The following BRINP3 variants were observed in gnomAD, a reference collection of about 807,000 sequenced individuals.
The protein encoded by BRINP3 is BMP/retinoic acid inducible neural specific 3.
In BRINP3, 19 loss-of-function variants were observed where a neutral mutation model predicts 71.0. That is an observed-to-expected ratio of 0.27 (90% CI 0.19 to 0.39). The LOEUF (loss-of-function observed/expected upper bound fraction) is 0.39. BRINP3 is among the 10% of genes least tolerant of loss of function. BRINP3 has a pLI of 1.00. For synonymous variants in BRINP3, 380 were observed against 337.7 expected, an observed-to-expected ratio of 1.13 and a Z score of -1.37; for missense variants, 959 against 940.8, an observed-to-expected ratio of 1.02 and a Z score of -0.25.
In BRINP3 at chr1:190,119,896, G is replaced by T. The variant is rs149654584; in HGVS notation, c.1185-20762C>A. On this transcript the variant is annotated intron_variant, in intron 7 of 7. Coordinates refer to ENST00000367462, the MANE Select transcript of BRINP3 (RefSeq NM_199051.3). ...GGACTGCAGGCTACTCCTCACAGGG[G>T]TGTGGCCAGAGCCATACTCAGCATC... Among the ~76,000 whole-genome samples, 763 of 152,312 alleles carry T rather than the reference G, an allele frequency of 5.0e-3. 5 individuals carry two copies. Among genetic ancestry groups the T allele is most frequent in the African/African-American group, 0.017 (695 of 41,558 alleles).
At chr1:190,355,595 T>G (rs762301241) in intron 2 of BRINP3, among the ~76,000 whole-genome samples, 1 of 151,910 alleles carries the variant, frequency 6.6e-6, no homozygotes, top group Non-Finnish European at 1.5e-5. Context: ...TTCTATTAAG[T>G]TATGAAAATT....
intron 2 of BRINP3, chr1:190,342,896 T>C (rs1667759662): frequency 1.3e-5 from 2 of 151,812 alleles, no homozygotes; most frequent in South Asian, 2.1e-4. Context: ...CTAGAATAAA[T>C]ACAGAATTTT....
chr1:190,397,052 T>C (rs1671625591), intron 2 of BRINP3, among the ~76,000 whole-genome samples: 1 of 151,856 alleles, frequency 6.6e-6, no homozygotes, highest in Admixed American at 6.6e-5. Context: ...GGATGTTGTG[T>C]TTGCCACTGT....
chr1:190,289,841 T>C (rs886904328), intron 2 of BRINP3, among the ~76,000 whole-genome samples: 5 of 152,052 alleles, frequency 3.3e-5, no homozygotes, highest in Non-Finnish European at 5.9e-5. Context: ...TCTTGTTATA[T>C]GCACTCGTGG....
At chr1:190,182,674 T>A (rs990598980) in intron 6 of BRINP3, among the ~76,000 whole-genome samples, 8 of 152,112 alleles carry the variant, frequency 5.3e-5, no homozygotes, top group Non-Finnish European at 8.8e-5. Context: ...TTGGAAGATT[T>A]GAGTTATTCA....
chr1:190,448,656 C>T (rs1239804694), intron 2 of BRINP3, among the ~76,000 whole-genome samples: 2 of 151,436 alleles, frequency 1.3e-5, no homozygotes, highest in Admixed American at 1.3e-4. Flanking sequence ...TATGTTGGGT[C>T]TAATTTTGTC....
chr1:190,332,271 T>C (rs1667013657), intron 2 of BRINP3, among the ~76,000 whole-genome samples: 1 of 152,072 alleles, frequency 6.6e-6, no homozygotes, highest in Non-Finnish European at 1.5e-5. Flanking sequence ...GGAATATGTA[T>C]GGTAAATGGG....
intron 3 of BRINP3, among the ~76,000 whole-genome samples, chr1:190,276,624 G>C (rs1662576451): frequency 6.7e-6 from 1 of 149,862 alleles, no homozygotes; most frequent in Admixed American, 6.7e-5. Context: ...TGGAGGCATA[G>C]TTTTACATAC....
At chr1:190,301,234 T>TAC (rs1553283783) in intron 2 of BRINP3, among the ~76,000 whole-genome samples, 27 of 123,384 alleles carry the variant, frequency 2.2e-4, no homozygotes, top group African/African-American at 5.6e-4. Flanking sequence ...TATATATATA[T>TAC]ACACACATAC....
chr1:190,109,725 C>T (rs1652503420), intron 7 of BRINP3, among the ~76,000 whole-genome samples: 1 of 152,242 alleles, frequency 6.6e-6, no homozygotes, highest in Non-Finnish European at 1.5e-5. Context: ...TTCATACTCT[C>T]TTCTGGAGTT....
At chr1:190,303,668 G>T (rs1168446693) in intron 2 of BRINP3, among the ~76,000 whole-genome samples, 1 of 151,566 alleles carries the variant, frequency 6.6e-6, no homozygotes, top group Non-Finnish European at 1.5e-5. Context: ...AAAGAACTAG[G>T]TCAGTTAAAA....
chr1:190,378,076 G>A (rs1227450045), intron 2 of BRINP3, among the ~76,000 whole-genome samples: 2 of 152,028 alleles, frequency 1.3e-5, no homozygotes, highest in African/African-American at 2.4e-5. Flanking sequence ...AATCTTAAAA[G>A]AAGGAAACAA....
intron 2 of BRINP3, among the ~76,000 whole-genome samples, chr1:190,428,855 T>G (rs1011611810): frequency 1.3e-5 from 2 of 152,070 alleles, no homozygotes; most frequent in African/African-American, 4.8e-5. Flanking sequence ...GCAATAATAT[T>G]TTCCAAGTAA....
At chr1:190,249,552 T>C (rs1263967442) in intron 4 of BRINP3, among the ~76,000 whole-genome samples, 1 of 151,884 alleles carries the variant, frequency 6.6e-6, no homozygotes. Context: ...GTAAAATGTG[T>C]TAACTTAAGC....
chr1:190,207,023 T>TA (rs569081943), intron 6 of BRINP3, among the ~76,000 whole-genome samples: 34 of 144,948 alleles, frequency 2.3e-4, no homozygotes, highest in South Asian at 2.0e-3. Flanking sequence ...AAGTGGAAAA[T>TA]AAAAAAAAAT....
intron 7 of BRINP3, among the ~76,000 whole-genome samples, chr1:190,120,482 T>A (rs949354272): frequency 3.9e-5 from 6 of 151,942 alleles, no homozygotes; most frequent in South Asian, 2.1e-4. Flanking sequence ...CTTTTTAATT[T>A]ATTTATTTAA....
At chr1:190,431,948 C>T (rs184244382) in intron 2 of BRINP3, among the ~76,000 whole-genome samples, 4 of 152,162 alleles carry the variant, frequency 2.6e-5, no homozygotes, top group East Asian at 3.9e-4. Context: ...TCTAAACTTA[C>T]GACCTCTAAT....
intron 2 of BRINP3, among the ~76,000 whole-genome samples, chr1:190,330,444 C>G (rs1373472290): frequency 6.6e-6 from 1 of 151,986 alleles, no homozygotes; most frequent in Non-Finnish European, 1.5e-5. Context: ...CCACTTCATA[C>G]CAGACATAAT....
chr1:190,328,842 A>G (rs1459829866), intron 2 of BRINP3, among the ~76,000 whole-genome samples: 1 of 152,082 alleles, frequency 6.6e-6, no homozygotes, highest in African/African-American at 2.4e-5. Flanking sequence ...AGCAGGCTTT[A>G]TTTTGAGATG....
Sources: gnomAD v4.1 joint callset for allele counts (sites outside exome capture counted in the v4.1 genomes callset) on GRCh38, gnomAD v4.1.1 for gene constraint, MANE v1.5 for transcripts, NCBI Gene and HGNC (gene_info 2026-07-23, HGNC 2026-07-21) for gene names.